Variants in DGAT2 observed in about 807,000 individuals in gnomAD.
DGAT2 encodes acyl-CoA retinol O-fatty-acyltransferase.
Under a neutral mutation model 48.4 loss-of-function variants are expected in DGAT2, and 33 were observed. The ratio of observed to expected loss-of-function variants is 0.68; its 90% CI spans 0.52 to 0.91. DGAT2 has a LOEUF of 0.91. Among genes scored for constraint, DGAT2 ranks in the 40% least tolerant of loss-of-function variants. The pLI is 0.00. For synonymous variants in DGAT2, 191 were observed against 194.1 expected, an observed-to-expected ratio of 0.98 and a Z score of 0.13; for missense variants, 446 against 493.7, an observed-to-expected ratio of 0.90 and a Z score of 0.92.
At chr11:75,796,565 A>T (rs749242991) in intron 5 of DGAT2, 33 bp downstream of exon 5, 1 of 1,600,718 alleles carries the variant, frequency 6.2e-7, no homozygotes, top group South Asian at 1.1e-5. Context: ...CCTGCTGGGC[A>T]CTGTTGTCAA....
At chr11:75,780,889 G>A (rs191856776) in intron 1 of DGAT2, among the ~76,000 whole-genome samples, 1 of 152,336 alleles carries the variant, frequency 6.6e-6, no homozygotes, top group Non-Finnish European at 1.5e-5. Context: ...TGGGCCTCTT[G>A]TGCATCATAC....
chr11:75,782,484 G>A (rs1032376982), intron 1 of DGAT2, among the ~76,000 whole-genome samples: 5 of 152,184 alleles, frequency 3.3e-5, no homozygotes, highest in African/African-American at 1.2e-4. Flanking sequence ...AGCCTCCGGT[G>A]GCCATGGCTC....
In DGAT2 at chr11:75,801,474, A is replaced by G. The variant is rs1487860514; in HGVS notation, c.*966A>G. The stretch of plus-strand genomic sequence containing the variant: ...GTGTGTTCTGTTATCTCTTGATGAG[A>G]TCATTGCACCATGTCAGACTTTTGT... On this transcript the variant is annotated 3_prime_UTR_variant, in exon 8 of 8. Coordinates refer to ENST00000228027, the MANE Select transcript of DGAT2 (RefSeq NM_032564.5). The G allele has an allele frequency of 6.6e-6, 1 of 152,552 alleles. No homozygotes were observed. The highest frequency in any genetic ancestry group is 2.4e-5 in the African/African-American group (1 of 41,410). The allele number at this position is 152,552 out of a possible 1,614,324, so 9.4% of individuals were successfully genotyped here.
At chr11:75,769,717 A>G (rs1055655658) in intron 1 of DGAT2, among the ~76,000 whole-genome samples, 1 of 152,020 alleles carries the variant, frequency 6.6e-6, no homozygotes, top group African/African-American at 2.4e-5. Flanking sequence ...CAAGCGAGGA[A>G]TAGCAACTCT....
At chr11:75,796,280 G>A (rs770827709) in intron 4 of DGAT2, 48 bp from the exon 5 acceptor site, 1 of 1,550,954 alleles carries the variant, frequency 6.4e-7, no homozygotes, top group African/African-American at 1.4e-5. Flanking sequence ...GTATGCCCCG[G>A]TATCCCTCTC....
intron 1 of DGAT2, among the ~76,000 whole-genome samples, chr11:75,778,854 A>C (rs887264930): frequency 6.6e-6 from 1 of 151,624 alleles, no homozygotes; most frequent in Non-Finnish European, 1.5e-5. Flanking sequence ...AAAAAAAAAA[A>C]ATTTAATGTT....
intron 1 of DGAT2, among the ~76,000 whole-genome samples, chr11:75,772,487 G>C (rs1245472548): frequency 6.6e-6 from 1 of 152,262 alleles, no homozygotes; most frequent in Admixed American, 6.5e-5. Flanking sequence ...TATGCTGCCT[G>C]TCTGCCCAGG....
intron 1 of DGAT2, among the ~76,000 whole-genome samples, chr11:75,770,979 A>G (rs1344813110): frequency 2.0e-5 from 3 of 152,138 alleles, no homozygotes; most frequent in African/African-American, 7.2e-5. Flanking sequence ...CCTGCCTTCT[A>G]GATCCTTGGT....
At chr11:75,782,527 C>G (rs1944877427) in intron 1 of DGAT2, among the ~76,000 whole-genome samples, 1 of 152,234 alleles carries the variant, frequency 6.6e-6, no homozygotes, top group Admixed American at 6.5e-5. Flanking sequence ...GCTCAGGAGG[C>G]AGAGCCAGCT....
chr11:75,790,372 C>G, intron 3 of DGAT2, 77 bp downstream of exon 3: 1 of 1,250,678 alleles, frequency 8.0e-7, no homozygotes. Flanking sequence ...AGGGCCTCAT[C>G]CTGAGTGCTG....
In DGAT2 at chr11:75,798,261, A is replaced by C; in HGVS notation, c.844A>C (p.Asn282His). The change falls in exon 7 of 8, where the codon AAT becomes CAT. Residue 282 changes from asparagine (N) to histidine (H), a missense_variant. By Grantham distance (68) the Asn-to-His change is moderately conservative. Coordinates refer to ENST00000228027, the MANE Select transcript of DGAT2 (RefSeq NM_032564.5). ...DLVPIYSFGE[N>H]EVYKQVIFEE... ...GGTTCCCATCTACTCCTTTGGAGAGAATGAAGTGTACAAGCAGGTGATCTT... is the reference window on the plus strand; with the variant it reads ...GGTTCCCATCTACTCCTTTGGAGAGCATGAAGTGTACAAGCAGGTGATCTT... 1.2e-6 allele frequency: 2 copies of C among 1,614,098 alleles called. No individual in the cohort carries two copies. The highest frequency in any genetic ancestry group is 1.7e-6 in the Non-Finnish European group (2 of 1,179,994).
intron 4 of DGAT2, chr11:75,794,423 C>T (rs891722638): frequency 2.0e-5 from 3 of 152,236 alleles, no homozygotes; most frequent in African/African-American, 7.2e-5. Flanking sequence ...ATTGATGTCA[C>T]CTCTTTTGAG....
chr11:75,800,745 C>T lies in DGAT2; in HGVS notation c.*237C>T. 2.1e-6 allele frequency: 1 copy of T among 484,520 alleles called. No homozygotes were observed. The highest frequency in any genetic ancestry group is 3.7e-6 in the Non-Finnish European group (1 of 272,504). The allele number at this position is 484,520 out of a possible 1,614,324, so 30.0% of individuals were successfully genotyped here. On this transcript the variant is annotated 3_prime_UTR_variant, in exon 8 of 8. Coordinates refer to ENST00000228027, the MANE Select transcript of DGAT2 (RefSeq NM_032564.5). ...AAATCTGGGCCTAATCTGGGTGGCTCAGCTAACCTCTCTTCTTCCCTTCCT... is the reference window on the plus strand; with the variant it reads ...AAATCTGGGCCTAATCTGGGTGGCTTAGCTAACCTCTCTTCTTCCCTTCCT...
rs185853945 is a variant in DGAT2 at position 75,784,038 on chromosome 11, A to G, written c.122-580A>G. 8.6e-5 allele frequency among the ~76,000 whole-genome samples: 13 copies of G among 152,014 alleles called. No homozygotes were observed. In the East Asian group the frequency reaches 2.5e-3, roughly 30 times the overall value. ...ACATTTACATCTCTCTGAAAGTGGT[A>G]GTGGTGTGGGGAATCAGTGGTGTTG... is the stretch of plus-strand genomic sequence containing the variant. On this transcript the variant is annotated intron_variant, in intron 1 of 7. Coordinates refer to ENST00000228027, the MANE Select transcript of DGAT2 (RefSeq NM_032564.5).
intron 4 of DGAT2, among the ~76,000 whole-genome samples, chr11:75,791,294 C>T (rs536036459): frequency 6.6e-6 from 1 of 152,308 alleles, no homozygotes; most frequent in South Asian, 2.1e-4. Context: ...GGGGCAGTGG[C>T]TGGGTAACCC....
chr11:75,788,148 G>A (rs925441022), intron 2 of DGAT2, among the ~76,000 whole-genome samples: 1 of 152,110 alleles, frequency 6.6e-6, no homozygotes, highest in African/African-American at 2.4e-5. Context: ...AAACCTCATC[G>A]TCCCTATCTG....
intron 7 of DGAT2, 111 bp from the exon 8 acceptor site, chr11:75,800,243 A>C: frequency 7.7e-7 from 1 of 1,303,786 alleles, no homozygotes; most frequent in Non-Finnish European, 1.0e-6. Context: ...CATTTGGCAC[A>C]GTTCCTTCCA....
At chr11:75,772,450 A>G (rs1387823663) in intron 1 of DGAT2, among the ~76,000 whole-genome samples, 1 of 151,832 alleles carries the variant, frequency 6.6e-6, no homozygotes, top group African/African-American at 2.4e-5. Context: ...ATTACTCCCA[A>G]TTCAGTCTTA....
At chr11:75,784,822 G>A in intron 2 of DGAT2, 76 bp downstream of exon 2, 1 of 1,597,370 alleles carries the variant, frequency 6.3e-7, no homozygotes, top group Non-Finnish European at 8.6e-7. Context: ...CAGGAGCCCT[G>A]CTCTACAGGG....
Sources: allele counts gnomAD v4.1 joint callset (sites outside exome capture counted in the v4.1 genomes callset), GRCh38; gene constraint gnomAD v4.1.1; transcripts MANE v1.5; gene names NCBI Gene and HGNC (gene_info 2026-07-23, HGNC 2026-07-21).